HPRT1: variants seen among roughly 807,000 people sequenced by gnomAD.
HPRT1 encodes the protein hypoxanthine phosphoribosyltransferase 1.
A neutral mutation model predicts 19.0 loss-of-function variants in HPRT1; 4 were observed. That is an observed-to-expected ratio of 0.21 (90% CI 0.10 to 0.48). The LOEUF is 0.48. HPRT1 is among the 20% of genes least tolerant of loss of function. The probability of loss-of-function intolerance (pLI) is 0.98; values close to 1 mark genes in which losing one functional copy is unlikely to be tolerated. For missense variants in HPRT1, 65 were observed against 164.0 expected, an observed-to-expected ratio of 0.40 and a Z score of 3.30; for synonymous variants, 53 against 54.9, an observed-to-expected ratio of 0.97 and a Z score of 0.15.
At chrX:134,491,052 T>C (rs955504291) in intron 5 of HPRT1, among the ~76,000 whole-genome samples, 2 of 105,611 alleles carry the variant, frequency 1.9e-5, no homozygotes, top group Non-Finnish European at 3.9e-5. Flanking sequence ...AGCCTCTCTT[T>C]ATATATATAT....
intron 1 of HPRT1, among the ~76,000 whole-genome samples, chrX:134,470,046 G>C (rs2077606730): frequency 8.9e-6 from 1 of 112,746 alleles, no homozygotes; most frequent in South Asian, 3.6e-4. Context: ...TTTAGCAGAT[G>C]CATCAGCATT....
chrX:134,461,813 G>A (rs1285010433), intron 1 of HPRT1, among the ~76,000 whole-genome samples: 1 of 111,930 alleles, frequency 8.9e-6, no homozygotes, highest in Non-Finnish European at 1.9e-5. Context: ...AAGAGAAGGA[G>A]CTCTGTCTCG....
intron 5 of HPRT1, among the ~76,000 whole-genome samples, chrX:134,490,949 T>C: frequency 9.3e-6 from 1 of 107,363 alleles, no homozygotes; most frequent in East Asian, 2.9e-4. Context: ...TCAATACTTT[T>C]ATTTTCCTGA....
chrX:134,500,143 A>G lies in HPRT1; in HGVS notation c.*66A>G, dbSNP rs752091179. Reference sequence around the variant, plus strand: ...ATTGACATCGCCAGTAAAATTATCAATGTTCTAGTTCTGTGGCCATCTGCT... The same window carrying G: ...ATTGACATCGCCAGTAAAATTATCAGTGTTCTAGTTCTGTGGCCATCTGCT... On this transcript the variant is annotated 3_prime_UTR_variant, in exon 9 of 9. Coordinates refer to ENST00000298556, the MANE Select transcript of HPRT1 (RefSeq NM_000194.3). The G allele has an allele frequency of 7.0e-5, 52 of 746,027 alleles. No homozygotes were observed. Among genetic ancestry groups the G allele is most frequent in the South Asian group, 5.0e-4 (24 of 47,701 alleles). 61.5% of individuals were successfully genotyped at this position (746,027 alleles called of 1,213,427 possible).
intron 2 of HPRT1, 27 bp from the exon 3 acceptor site, chrX:134,475,154 A>G (rs575767539): frequency 1.8e-5 from 21 of 1,149,990 alleles, no homozygotes; most frequent in East Asian, 3.0e-5. Context: ...GAAACTTTCT[A>G]TTAAATTCCT....
rs17883942 is a variant in HPRT1 at position 134,494,452 on chromosome X, G to A, written c.485+862G>A. Among the ~76,000 whole-genome samples the A allele has an allele frequency of 0.013, 1,419 of 111,771 alleles. 24 individuals are homozygous for A. Among genetic ancestry groups the A allele is most frequent in the African/African-American group, 0.044 (1,348 of 30,774 alleles). On this transcript the variant is annotated intron_variant, in intron 6 of 8. Transcript: ENST00000298556. Reference sequence around the variant, plus strand: ...TATAAGCCCTTTTGAAAAAATCACGGTATCTGTCGAGCATCTTTGAATCAG... The same window carrying A: ...TATAAGCCCTTTTGAAAAAATCACGATATCTGTCGAGCATCTTTGAATCAG...
intron 3 of HPRT1, among the ~76,000 whole-genome samples, chrX:134,484,790 T>G (rs755438665): frequency 9.0e-6 from 1 of 111,688 alleles, no homozygotes; most frequent in Admixed American, 9.6e-5. Context: ...TCCCTGTTAA[T>G]GGACATGTTG....
chrX:134,483,090 A>G (rs1438898719), intron 3 of HPRT1, among the ~76,000 whole-genome samples: 1 of 110,880 alleles, frequency 9.0e-6, no homozygotes, highest in African/African-American at 3.3e-5. Context: ...CAAGCTACAT[A>G]GTACTAAGCC....
intron 6 of HPRT1, among the ~76,000 whole-genome samples, chrX:134,497,354 G>A (rs1431274517): frequency 9.0e-6 from 1 of 111,278 alleles, no homozygotes. Flanking sequence ...TTGTGAGGCC[G>A]GGCGCAGTGG....
chrX:134,498,754 T>G, intron 8 of HPRT1, 70 bp downstream of exon 8: 1 of 711,542 alleles, frequency 1.4e-6, no homozygotes, highest in Non-Finnish European at 2.3e-6. Context: ...GAGAATTGTT[T>G]TCTCCTTCCA....
At chrX:134,464,198 C>T (rs988637117) in intron 1 of HPRT1, among the ~76,000 whole-genome samples, 5 of 112,322 alleles carry the variant, frequency 4.5e-5, no homozygotes, top group Non-Finnish European at 9.4e-5. Flanking sequence ...ATTCTTCTAA[C>T]AGCTTTATCC....
chrX:134,486,045 T>C (rs1229028611), intron 3 of HPRT1, among the ~76,000 whole-genome samples: 1 of 111,426 alleles, frequency 9.0e-6, no homozygotes, highest in Non-Finnish European at 1.9e-5. Flanking sequence ...CCCTTACAAT[T>C]TGCTTGACTC....
intron 1 of HPRT1, among the ~76,000 whole-genome samples, chrX:134,462,687 G>T (rs940153699): frequency 8.9e-6 from 1 of 111,935 alleles, no homozygotes; most frequent in Non-Finnish European, 1.9e-5. Flanking sequence ...TATTGCTAGA[G>T]CTGGCTGTTT....
intron 3 of HPRT1, among the ~76,000 whole-genome samples, chrX:134,481,388 T>A (rs1372736413): frequency 9.0e-6 from 1 of 111,594 alleles, no homozygotes; most frequent in Admixed American, 9.6e-5. Context: ...TCCAGAATAG[T>A]TAGATGTAGG....
chrX:134,493,024 T>C (rs988815926), intron 5 of HPRT1, among the ~76,000 whole-genome samples: 1 of 111,543 alleles, frequency 9.0e-6, no homozygotes, highest in African/African-American at 3.3e-5. Context: ...CTAACAAAGA[T>C]GGGTTTGTTT....
At chrX:134,466,673 G>C (rs2077597760) in intron 1 of HPRT1, among the ~76,000 whole-genome samples, 1 of 111,885 alleles carries the variant, frequency 8.9e-6, no homozygotes. Flanking sequence ...ATAACCACAT[G>C]CAACACCAAG....
chrX:134,479,041 T>C (rs1200167585), intron 3 of HPRT1, among the ~76,000 whole-genome samples: 2 of 111,530 alleles, frequency 1.8e-5, no homozygotes, highest in Admixed American at 1.9e-4. Flanking sequence ...CCCTGTGATA[T>C]TCAGAAAGTG....
chrX:134,465,645 A>G (rs1298823833), intron 1 of HPRT1, among the ~76,000 whole-genome samples: 1 of 112,678 alleles, frequency 8.9e-6, no homozygotes, highest in Non-Finnish European at 1.9e-5. Flanking sequence ...TATCATTCAC[A>G]AGTATATCAC....
chrX:134,481,465 ATC>A (rs1228939361), intron 3 of HPRT1, among the ~76,000 whole-genome samples: 1 of 109,882 alleles, frequency 9.1e-6, no homozygotes, highest in Non-Finnish European at 1.9e-5. Flanking sequence ...CTCTATTTCC[ATC>A]TCTGTCTCCA....
Sources: allele counts gnomAD v4.1 joint callset (sites outside exome capture counted in the v4.1 genomes callset), GRCh38; gene constraint gnomAD v4.1.1; transcripts MANE v1.5; gene names NCBI Gene and HGNC (gene_info 2026-07-23, HGNC 2026-07-21).